The following ANKH variants were observed in gnomAD, a reference collection of about 807,000 sequenced individuals.
ANKH encodes the protein mineralization regulator ANKH.
Under a neutral mutation model 49.0 loss-of-function variants are expected in ANKH, and 15 were observed. That is an observed-to-expected ratio of 0.31 (90% confidence interval 0.20 to 0.47). The LOEUF is 0.47. ANKH is among the 20% of genes least tolerant of loss of function. The pLI is 1.00. For synonymous variants in ANKH, 273 were observed against 260.0 expected (o/e 1.05, Z -0.48); for missense variants, 429 against 652.0 (o/e 0.66, Z 3.72).
chr5:14,788,506 G>A (rs1379496956), intron 1 of ANKH, among the ~76,000 whole-genome samples: 1 of 152,182 alleles, frequency 6.6e-6, no homozygotes, highest in Non-Finnish European at 1.5e-5. Flanking sequence ...CATGGTGCCA[G>A]GCAAATACAC....
chr5:14,824,094 A>C (rs1305358179), intron 1 of ANKH, among the ~76,000 whole-genome samples: 1 of 152,110 alleles, frequency 6.6e-6, no homozygotes, highest in Non-Finnish European at 1.5e-5. Flanking sequence ...ACCCATCTCC[A>C]TGACATTTTA....
intron 11 of ANKH, 127 bp from the exon 12 acceptor site, chr5:14,711,437 T>TCTTCTTAA (rs1737200055): frequency 1.3e-6 from 1 of 774,826 alleles, no homozygotes; most frequent in Non-Finnish European, 2.2e-6. Context: ...TTCTTATGGT[T>TCTTCTTAA]GGGGTGGCGT....
intron 2 of ANKH, among the ~76,000 whole-genome samples, chr5:14,761,658 A>G (rs1251467416): frequency 6.6e-6 from 1 of 152,202 alleles, no homozygotes; most frequent in Non-Finnish European, 1.5e-5. Flanking sequence ...CCAAGTAGCC[A>G]TAAAATGCCA....
chr5:14,706,674 G>A lies in ANKH; in HGVS notation c.*4523C>T, dbSNP rs1301529645. 6.6e-6 allele frequency: 1 copy of A among 152,172 alleles called. No individual in the cohort carries two copies. The highest frequency in any genetic ancestry group is 1.5e-5 in the Non-Finnish European group (1 of 68,032). 9.4% of individuals were successfully genotyped at this position (152,172 alleles called of 1,614,324 possible). ...TTTGCCTTTAAAAGGGCAGGCAACA[G>A]GCCCTTTTACGTTTCTCATCAGATT... On this transcript the variant is annotated 3_prime_UTR_variant, in exon 12 of 12. Coordinates refer to ENST00000284268, the MANE Select transcript of ANKH (RefSeq NM_054027.6).
intron 1 of ANKH, among the ~76,000 whole-genome samples, chr5:14,781,878 C>T (rs1008380229): frequency 6.6e-6 from 1 of 152,176 alleles, no homozygotes. Context: ...GCTTAGTTAA[C>T]ATCTCAAGAT....
chr5:14,845,366 A>ATAT (rs1425131816), intron 1 of ANKH, among the ~76,000 whole-genome samples: 25 of 75,736 alleles, frequency 3.3e-4, no homozygotes, highest in Admixed American at 1.3e-3. Flanking sequence ...ATATATATAT[A>ATAT]TTTTTTTTTT....
chr5:14,814,863 C>T, intron 1 of ANKH, among the ~76,000 whole-genome samples: 1 of 152,156 alleles, frequency 6.6e-6, no homozygotes, highest in Non-Finnish European at 1.5e-5. Flanking sequence ...TAAAAGTTTA[C>T]TTCTTTCAAA....
intron 8 of ANKH, among the ~76,000 whole-genome samples, chr5:14,740,177 C>T (rs780456287): frequency 2.4e-4 from 37 of 152,196 alleles, no homozygotes; most frequent in Non-Finnish European, 4.3e-4. Context: ...GGCAGCCAGG[C>T]GTTGTCAGCT....
intron 1 of ANKH, among the ~76,000 whole-genome samples, chr5:14,827,113 C>T (rs890047150): frequency 7.2e-5 from 11 of 152,224 alleles, no homozygotes; most frequent in South Asian, 4.1e-4. Context: ...AGCAGCTGAG[C>T]GGTCACCACT....
intron 6 of ANKH, among the ~76,000 whole-genome samples, chr5:14,748,272 C>T (rs528210806): frequency 6.6e-6 from 1 of 152,328 alleles, no homozygotes; most frequent in South Asian, 2.1e-4. Flanking sequence ...AGAAAGCGTT[C>T]TGCTTTTGAT....
chr5:14,800,235 A>T (rs1740527789), intron 1 of ANKH, among the ~76,000 whole-genome samples: 1 of 152,252 alleles, frequency 6.6e-6, no homozygotes, highest in Non-Finnish European at 1.5e-5. Context: ...GGATAAGCAA[A>T]TAAAGTGTTT....
At chr5:14,728,636 C>T (rs111624520) in intron 8 of ANKH, among the ~76,000 whole-genome samples, 41 of 152,296 alleles carry the variant, frequency 2.7e-4, no homozygotes, top group African/African-American at 7.2e-4. Context: ...CTTTAGCATC[C>T]GCCCAAGAGG....
At chr5:14,816,819 AC>A in intron 1 of ANKH, among the ~76,000 whole-genome samples, 1 of 152,208 alleles carries the variant, frequency 6.6e-6, no homozygotes, top group East Asian at 1.9e-4. Context: ...CAGGATGAAC[AC>A]GATGGCAAAC....
intron 8 of ANKH, among the ~76,000 whole-genome samples, chr5:14,733,487 C>G (rs537134891): frequency 1.5e-4 from 23 of 152,242 alleles, no homozygotes; most frequent in Middle Eastern, 3.2e-3. Flanking sequence ...CCAGTGAAGT[C>G]TCTCCTGTGC....
In ANKH at chr5:14,714,334, C is replaced by T. The variant is rs146129489; in HGVS notation, c.1142-667G>A. Among the ~76,000 whole-genome samples, 915 of 152,322 alleles carry T rather than the reference C, an allele frequency of 6.0e-3. 3 individuals carry two copies. Among genetic ancestry groups the T allele is most frequent in the African/African-American group, 0.021 (855 of 41,580 alleles). ...CTGCAGGAGGGCCATGGGTGGACAG[C>T]GGGGAACTGTGGAGAGCACGGGGCT... On this transcript the variant is annotated intron_variant, in intron 9 of 11. Coordinates refer to ENST00000284268, the MANE Select transcript of ANKH (RefSeq NM_054027.6).
In ANKH at chr5:14,745,918, T is replaced by A. The variant is rs750336133; in HGVS notation, c.867A>T (p.Pro289=). 2.5e-6 allele frequency: 4 copies of A among 1,614,114 alleles called. No individual in the cohort carries two copies. The highest frequency in any genetic ancestry group is 1.1e-5 in the South Asian group (1 of 91,088). Reference sequence around the variant, plus strand: ...CACGGATTTCCGTCAACCAGCCGTATGGCATGTGACCCACAGGGTATGTGG... The same window carrying A: ...CACGGATTTCCGTCAACCAGCCGTAAGGCATGTGACCCACAGGGTATGTGG... The part of the protein sequence containing the change: ...LTATYPVGHM[P]YGWLTEIRAV... Residue 289 remains proline (P), a synonymous_variant, in exon 7 of 12, where the codon CCA becomes CCT. Transcript: ENST00000284268. This position sits in a 1 kb window ranked among gnomAD's most constrained non-coding sequence, Gnocchi z 4.7.
rs375769817 is a variant in ANKH at position 14,771,944 on chromosome 5, A to C, written c.97-2753T>G. 5.2e-3 allele frequency among the ~76,000 whole-genome samples: 745 copies of C among 143,794 alleles called. 12 individuals carry two copies. Among genetic ancestry groups the C allele is most frequent in the South Asian group, 0.02 (86 of 4,400 alleles). The allele number at this position is 143,794 out of a possible 152,430, so 94.3% of individuals were successfully genotyped here. ...AAGAAAAAAAAAAAAAAAAAAAAAA[A>C]AAACCAAAACAAAACAAAACAAAAA... On this transcript the variant is annotated intron_variant, in intron 1 of 11. Transcript: ENST00000284268.
chr5:14,774,336 G>A (rs1739543816), intron 1 of ANKH, among the ~76,000 whole-genome samples: 1 of 152,138 alleles, frequency 6.6e-6, no homozygotes, highest in Admixed American at 6.5e-5. Context: ...GTGAGTTATG[G>A]ATTAAAACTA....
At chr5:14,811,289 C>T (rs143996655) in intron 1 of ANKH, among the ~76,000 whole-genome samples, 91 of 152,222 alleles carry the variant, frequency 6.0e-4, no homozygotes, top group African/African-American at 2.0e-3. Flanking sequence ...CACAGCACAG[C>T]GACAGGGAAG....
Sources: gnomAD v4.1 joint callset for allele counts (sites outside exome capture counted in the v4.1 genomes callset) on GRCh38, gnomAD v4.1.1 for gene constraint, Gnocchi (gnomAD v3.1) non-coding constraint, MANE v1.5 for transcripts, NCBI Gene and HGNC (gene_info 2026-07-23, HGNC 2026-07-21) for gene names.